The following CADM1 variants were observed in gnomAD, a reference collection of about 807,000 sequenced individuals.
The protein encoded by CADM1 is cell adhesion molecule 1.
Under a neutral mutation model 53.1 loss-of-function variants are expected in CADM1, and 15 were observed. That is an observed-to-expected ratio of 0.28 (90% confidence interval 0.19 to 0.44). CADM1 has a LOEUF of 0.44. Among genes scored for constraint, CADM1 ranks in the 20% least tolerant of loss-of-function variants. The pLI is 1.00. For missense variants in CADM1, 434 were observed against 611.3 expected (o/e 0.71, Z 3.06); for synonymous variants, 281 against 243.0 (o/e 1.16, Z -1.45).
chr11:115,391,427 A>G (rs1238383078), intron 1 of CADM1, among the ~76,000 whole-genome samples: 1 of 152,224 alleles, frequency 6.6e-6, no homozygotes, highest in Non-Finnish European at 1.5e-5. Flanking sequence ...CGTGGAGCAC[A>G]GCTCCAAAAA....
At position 115,481,891 on chromosome 11, in the gene CADM1, T is replaced by A. The variant is rs146762991; in HGVS notation, c.124+22380A>T. 4.6e-5 allele frequency among the ~76,000 whole-genome samples: 7 copies of A among 152,292 alleles called. No individual in the cohort carries two copies. In the South Asian group the frequency reaches 8.3e-4, roughly 18 times the overall value. ...CCCTAACTGCTCTCCTACCTGAGTC[T>A]CTAATCCTCCAGATTCGTCCTGCAC... On this transcript the variant is annotated intron_variant, in intron 1 of 11. Coordinates refer to ENST00000331581, the MANE Select transcript of CADM1 (RefSeq NM_001301043.2).
chr11:115,318,422 G>C (rs1003384999), intron 1 of CADM1, among the ~76,000 whole-genome samples: 1 of 152,054 alleles, frequency 6.6e-6, no homozygotes, highest in South Asian at 2.1e-4. Flanking sequence ...TTGAAAATTC[G>C]TAAAAATTTA....
chr11:115,372,637 C>G (rs1325355340), intron 1 of CADM1, among the ~76,000 whole-genome samples: 1 of 152,148 alleles, frequency 6.6e-6, no homozygotes, highest in Non-Finnish European at 1.5e-5. Flanking sequence ...AAATTTTTAA[C>G]CAAAGTCTGA....
At chr11:115,358,866 G>A (rs1173200330) in intron 1 of CADM1, among the ~76,000 whole-genome samples, 1 of 152,056 alleles carries the variant, frequency 6.6e-6, no homozygotes, top group East Asian at 1.9e-4. Flanking sequence ...CTTTGCAAAT[G>A]CAACATGCAA....
chr11:115,257,843 A>T (rs921741360), intron 1 of CADM1, among the ~76,000 whole-genome samples: 2 of 152,240 alleles, frequency 1.3e-5, no homozygotes, highest in African/African-American at 4.8e-5. Context: ...ATGCATCAGC[A>T]TCACCTGGAG....
chr11:115,189,638 G>A (rs1182896694), intron 10 of CADM1, among the ~76,000 whole-genome samples: 1 of 152,174 alleles, frequency 6.6e-6, no homozygotes, highest in Non-Finnish European at 1.5e-5. Context: ...CCACAAAGAA[G>A]TGGCAAAAAA....
At chr11:115,328,680 G>A (rs369008927) in intron 1 of CADM1, among the ~76,000 whole-genome samples, 2 of 35,776 alleles carry the variant, frequency 5.6e-5, no homozygotes, top group African/African-American at 1.5e-4. Flanking sequence ...ATATATATGT[G>A]TATATATATG....
At chr11:115,241,579 G>A (rs1942230617) in intron 1 of CADM1, among the ~76,000 whole-genome samples, 1 of 152,232 alleles carries the variant, frequency 6.6e-6, no homozygotes, top group East Asian at 1.9e-4. Context: ...CTATCTCACA[G>A]GGCTGATGGG....
intron 1 of CADM1, among the ~76,000 whole-genome samples, chr11:115,474,379 A>G (rs2135397685): frequency 6.6e-6 from 1 of 152,070 alleles, no homozygotes; most frequent in Non-Finnish European, 1.5e-5. Flanking sequence ...TAAGCATGTG[A>G]AAACTTGCTC....
At chr11:115,301,856 C>A (rs1038477116) in intron 1 of CADM1, among the ~76,000 whole-genome samples, 7 of 152,056 alleles carry the variant, frequency 4.6e-5, no homozygotes, top group African/African-American at 1.7e-4. Flanking sequence ...AAATGCTTAT[C>A]ACAGATCATG....
intron 1 of CADM1, among the ~76,000 whole-genome samples, chr11:115,388,539 CA>C (rs1289754351): frequency 6.6e-6 from 1 of 151,960 alleles, no homozygotes; most frequent in East Asian, 1.9e-4. Context: ...ATCAGATAAC[CA>C]AAATTACTAT....
intron 1 of CADM1, among the ~76,000 whole-genome samples, chr11:115,412,151 T>C (rs974874539): frequency 4.6e-5 from 7 of 152,226 alleles, no homozygotes; most frequent in African/African-American, 7.2e-5. Context: ...AATCTGCTTT[T>C]ATAAACAGCT....
chr11:115,381,684 C>G (rs781285414), intron 1 of CADM1, among the ~76,000 whole-genome samples: 2 of 152,084 alleles, frequency 1.3e-5, no homozygotes, highest in Non-Finnish European at 2.9e-5. Context: ...AAAACAATAC[C>G]TGACACACGA....
intron 1 of CADM1, among the ~76,000 whole-genome samples, chr11:115,270,130 C>T (rs1049323268): frequency 4.6e-5 from 7 of 152,168 alleles, no homozygotes; most frequent in Non-Finnish European, 7.4e-5. Context: ...AAAATGACAG[C>T]GCTCTTTCCA....
chr11:115,317,476 C>A (rs937058187), intron 1 of CADM1, among the ~76,000 whole-genome samples: 1 of 152,194 alleles, frequency 6.6e-6, no homozygotes, highest in Non-Finnish European at 1.5e-5. Flanking sequence ...ATGCTCTCTG[C>A]AGCTTCTATT....
rs568632394 is a variant in CADM1, at chr11:115,231,390, C to T, written c.525G>A (p.Thr175=). 1.3e-4 allele frequency: 217 copies of T among 1,614,176 alleles called. 3 individuals are homozygous for T. In the South Asian group the frequency reaches 1.9e-3, roughly 14 times the overall value. Reference sequence around the variant, plus strand: ...TGTTCCCTTTGAACCACCTGATAGTCGTGGCTGGCTTGCTGGCCATAGCAG... The same window carrying T: ...TGTTCCCTTTGAACCACCTGATAGTTGTGGCTGGCTTGCTGGCCATAGCAG... The part of the protein sequence containing the change: ...NCTAMASKPA[T]TIRWFKGNTE... The change falls in exon 4 of 12, where the codon ACG becomes ACA. Residue 175 remains threonine (T), a synonymous_variant. Coordinates refer to ENST00000331581, the MANE Select transcript of CADM1 (RefSeq NM_001301043.2).
chr11:115,458,792 A>C (rs1024947097), intron 1 of CADM1, among the ~76,000 whole-genome samples: 1 of 152,122 alleles, frequency 6.6e-6, no homozygotes, highest in African/African-American at 2.4e-5. Context: ...ATCAGATAAA[A>C]GACTAGCCCA....
At chr11:115,295,149 G>A (rs1256808783) in intron 1 of CADM1, among the ~76,000 whole-genome samples, 2 of 152,068 alleles carry the variant, frequency 1.3e-5, no homozygotes, top group East Asian at 3.9e-4. Flanking sequence ...ATTCAACCAT[G>A]AATTGTTTCT....
In CADM1 at chr11:115,174,118, A is replaced by T. The variant is rs1938903641; in HGVS notation, c.*2356T>A. On this transcript the variant is annotated 3_prime_UTR_variant, in exon 12 of 12. Transcript: ENST00000331581. Reference sequence around the variant, plus strand: ...CACTTTGCAATCTACCTGAGACGGAAAACACCAATCGCAACACATGAACCT... The same window carrying T: ...CACTTTGCAATCTACCTGAGACGGATAACACCAATCGCAACACATGAACCT... 8.1e-6 allele frequency: 8 copies of T among 985,266 alleles called. No homozygotes were observed. Among genetic ancestry groups the T allele is most frequent in the Non-Finnish European group, 9.6e-6 (8 of 829,894 alleles). 61.0% of individuals were successfully genotyped at this position (985,266 alleles called of 1,614,324 possible). A position where few individuals can be genotyped will look rare whatever the true frequency, so the allele number is the denominator to read the frequency against.
Sources: gnomAD v4.1 joint callset for allele counts (sites outside exome capture counted in the v4.1 genomes callset) on GRCh38, gnomAD v4.1.1 for gene constraint, MANE v1.5 for transcripts, NCBI Gene and HGNC (gene_info 2026-07-23, HGNC 2026-07-21) for gene names.